TMEM127: variants seen among roughly 807,000 people sequenced by gnomAD.
TMEM127 encodes transmembrane protein 127.
A neutral mutation model predicts 20.1 loss-of-function variants in TMEM127; 21 were observed. The ratio of observed to expected loss-of-function variants is 1.04; its 90% CI spans 0.74 to 1.50. The LOEUF (loss-of-function observed/expected upper bound fraction) is 1.50. TMEM127 is among the 40% of genes most tolerant of loss of function. TMEM127 has a pLI of 0.00. For missense variants in TMEM127, 303 were observed against 317.4 expected (o/e 0.95, Z 0.34); for synonymous variants, 150 against 144.7 (o/e 1.04, Z -0.26).
chr2:96,251,576 TGA>T lies in TMEM127; in HGVS notation c.*2230_*2231del, dbSNP rs1342993635. On this transcript the variant is annotated 3_prime_UTR_variant, in exon 4 of 4. Transcript: ENST00000258439. ...GCCTCATCAACATCTCCTGCTTCTC[TGA>T]GACAAAGGGAACAAACCAAATCAGG... 1 of 232,642 alleles carries T rather than the reference TGA, an allele frequency of 4.3e-6. No individual in the cohort carries two copies. The highest frequency in any genetic ancestry group is 8.5e-6 in the Non-Finnish European group (1 of 117,498). 14.4% of individuals were successfully genotyped at this position (232,642 alleles called of 1,614,324 possible).
chr2:96,265,726 G>C lies in TMEM127; in HGVS notation c.-132+143C>G, dbSNP rs1240821435. On this transcript the variant is annotated intron_variant, in intron 1 of 3. Coordinates refer to ENST00000258439, the MANE Select transcript of TMEM127 (RefSeq NM_017849.4). Reference sequence around the variant, plus strand: ...GCTACTGCTAGAGCAAAGACCCGGAGTCAGGGTCTCAGCCAGAGGATGCCG... The same window carrying C: ...GCTACTGCTAGAGCAAAGACCCGGACTCAGGGTCTCAGCCAGAGGATGCCG... 3 of 251,582 alleles carry C rather than the reference G, an allele frequency of 1.2e-5. No individual in the cohort carries two copies. In the South Asian group the frequency reaches 5.0e-4, roughly 42 times the overall value. The allele number at this position is 251,582 out of a possible 1,614,324, so 15.6% of individuals were successfully genotyped here.
Position 96,253,429 on chromosome 2 carries a change from T to C in TMEM127, c.*379A>G. 3.2e-6 allele frequency: 1 copy of C among 310,636 alleles called. No individual in the cohort carries two copies. Among genetic ancestry groups the C allele is most frequent in the African/African-American group, 2.1e-5 (1 of 48,120 alleles). The allele number at this position is 310,636 out of a possible 1,614,324, so 19.2% of individuals were successfully genotyped here. A position where few individuals can be genotyped will look rare whatever the true frequency, so the allele number is the denominator to read the frequency against. On this transcript the variant is annotated 3_prime_UTR_variant, in exon 4 of 4. Coordinates refer to ENST00000258439, the MANE Select transcript of TMEM127 (RefSeq NM_017849.4). This position sits in a 1 kb window ranked among gnomAD's most constrained non-coding sequence, Gnocchi z 4.3. ...AGTGAGCCTCCAGGGCACAGTCCCC[T>C]TTCCCTTGGGCCCTTTGACACTTGT... is the stretch of plus-strand genomic sequence containing the variant.
rs1158489118 is a variant in TMEM127, at chr2:96,251,397, G to T, written c.*2411C>A. ...TATCTGGGCATAGTGGCGCATGCCT[G>T]TAATCCCAGCTACTCAGGAGGCTGA... On this transcript the variant is annotated 3_prime_UTR_variant, in exon 4 of 4. Transcript: ENST00000258439. 1 of 197,370 alleles carries T rather than the reference G, an allele frequency of 5.1e-6. No homozygotes were observed. Among genetic ancestry groups the T allele is most frequent in the East Asian group, 8.0e-5 (1 of 12,558 alleles). The allele number at this position is 197,370 out of a possible 1,614,324, so 12.2% of individuals were successfully genotyped here. A position where few individuals can be genotyped will look rare whatever the true frequency, so the allele number is the denominator to read the frequency against.
In TMEM127 at chr2:96,248,565, GTTA is replaced by G. The variant is rs1340871784; in HGVS notation, c.*5240_*5242del. 4.7e-6 allele frequency: 1 copy of G among 213,186 alleles called. No homozygotes were observed. Among genetic ancestry groups the G allele is most frequent in the Non-Finnish European group, 9.5e-6 (1 of 105,500 alleles). The allele number at this position is 213,186 out of a possible 1,614,324, so 13.2% of individuals were successfully genotyped here. On this transcript the variant is annotated 3_prime_UTR_variant, in exon 4 of 4. Transcript: ENST00000258439. Reference sequence around the variant, plus strand: ...AATAAAACCCATCCACCACCCCAAGGTTATTCCAGAAGGAAACTCTCCACCAAT... The same window carrying G: ...AATAAAACCCATCCACCACCCCAAGGTTCCAGAAGGAAACTCTCCACCAAT...
At chr2:96,262,279 A>C (rs983203091) in intron 2 of TMEM127, among the ~76,000 whole-genome samples, 237 of 151,756 alleles carry the variant, frequency 1.6e-3, no homozygotes, top group Non-Finnish European at 2.4e-3. Flanking sequence ...AAAAAAAAAA[A>C]AACTCTATAT....
intron 2 of TMEM127, among the ~76,000 whole-genome samples, chr2:96,258,095 G>A (rs1410000804): frequency 6.6e-6 from 1 of 152,156 alleles, no homozygotes; most frequent in African/African-American, 2.4e-5. Context: ...GAGGGTGTGG[G>A]GTGTGATCAT....
chr2:96,259,171 G>A (rs1573973392), intron 2 of TMEM127, among the ~76,000 whole-genome samples: 2 of 152,212 alleles, frequency 1.3e-5, no homozygotes, highest in South Asian at 4.1e-4. Context: ...ATTGTTGGAG[G>A]GGCCTTGTAT....
At chr2:96,264,181 C>T (rs755560678) in intron 2 of TMEM127, among the ~76,000 whole-genome samples, 3 of 152,236 alleles carry the variant, frequency 2.0e-5, no homozygotes, top group African/African-American at 4.8e-5. Context: ...TGGTCCGATG[C>T]ACAGCGGGGA....
rs1451576038 is a variant in TMEM127, at chr2:96,251,854, A to G, written c.*1954T>C. On this transcript the variant is annotated 3_prime_UTR_variant, in exon 4 of 4. Transcript: ENST00000258439. ...CGGAACAGTCCACAGGGTCATTTAC[A>G]GGTCCTCAGGAGATGACCAGTCCCT... 1 of 233,280 alleles carries G rather than the reference A, an allele frequency of 4.3e-6. No homozygotes were observed. Among genetic ancestry groups the G allele is most frequent in the East Asian group, 6.0e-5 (1 of 16,536 alleles). 14.5% of individuals were successfully genotyped at this position (233,280 alleles called of 1,614,324 possible).
chr2:96,263,050 T>A (rs1004679564), intron 2 of TMEM127, among the ~76,000 whole-genome samples: 1 of 145,956 alleles, frequency 6.9e-6, no homozygotes, highest in Non-Finnish European at 1.5e-5. Flanking sequence ...AGAATTTACT[T>A]TTTTTTTTTT....
At chr2:96,257,283 G>C (rs1005827933) in intron 2 of TMEM127, among the ~76,000 whole-genome samples, 1 of 151,924 alleles carries the variant, frequency 6.6e-6, no homozygotes, top group Admixed American at 6.6e-5. Flanking sequence ...CCAACATGGT[G>C]AAACCCCGTC....
chr2:96,259,913 C>A (rs1684281177), intron 2 of TMEM127, among the ~76,000 whole-genome samples: 2 of 152,240 alleles, frequency 1.3e-5, no homozygotes, highest in Admixed American at 1.3e-4. Flanking sequence ...GCCTTTCCTT[C>A]TTCTACCAAG....
Position 96,251,505 on chromosome 2 carries a change from G to C in TMEM127, c.*2303C>G, listed in dbSNP as rs752582591. On this transcript the variant is annotated 3_prime_UTR_variant, in exon 4 of 4. Coordinates refer to ENST00000258439, the MANE Select transcript of TMEM127 (RefSeq NM_017849.4). Reference sequence around the variant, plus strand: ...ACGTTACACTCCAGCCCGGGTGACAGAGCGAGACTCTTGTCTCAAAAACAA... The same window carrying C: ...ACGTTACACTCCAGCCCGGGTGACACAGCGAGACTCTTGTCTCAAAAACAA... The C allele has an allele frequency of 6.7e-5, 15 of 224,810 alleles. No individual in the cohort carries two copies. Among genetic ancestry groups the C allele is most frequent in the Admixed American group, 4.0e-4 (7 of 17,416 alleles). 13.9% of individuals were successfully genotyped at this position (224,810 alleles called of 1,614,324 possible). A position where few individuals can be genotyped will look rare whatever the true frequency, so the allele number is the denominator to read the frequency against.
chr2:96,259,262 C>T (rs1034644675), intron 2 of TMEM127, among the ~76,000 whole-genome samples: 4 of 152,212 alleles, frequency 2.6e-5, no homozygotes, highest in African/African-American at 4.8e-5. Flanking sequence ...GATGAGGAGT[C>T]GGGGGCTCCA....
At chr2:96,257,286 A>T (rs1573972096) in intron 2 of TMEM127, among the ~76,000 whole-genome samples, 1 of 150,670 alleles carries the variant, frequency 6.6e-6, no homozygotes, top group African/African-American at 2.4e-5. Context: ...ACATGGTGAA[A>T]CCCCGTCTCT....
At chr2:96,263,172 AG>A (rs774668568) in intron 2 of TMEM127, among the ~76,000 whole-genome samples, 25 of 149,636 alleles carry the variant, frequency 1.7e-4, no homozygotes, top group Non-Finnish European at 2.5e-4. Flanking sequence ...CGCCTGCCTC[AG>A]CCTTCAGAGT....
rs1314644874 is a variant in TMEM127, at chr2:96,253,160, T to G, written c.*648A>C. 1 of 233,794 alleles carries G rather than the reference T, an allele frequency of 4.3e-6. No individual in the cohort carries two copies. Among genetic ancestry groups the G allele is most frequent in the African/African-American group, 2.2e-5 (1 of 45,356 alleles). 14.5% of individuals were successfully genotyped at this position (233,794 alleles called of 1,614,324 possible). On this transcript the variant is annotated 3_prime_UTR_variant, in exon 4 of 4. Transcript: ENST00000258439. This position sits in a 1 kb window ranked among gnomAD's most constrained non-coding sequence, Gnocchi z 4.3. The stretch of plus-strand genomic sequence containing the variant: ...GGGGCCTCAGTCTCACGCTGGCTCC[T>G]GCTCTCCTTGCCTGGGCTCCAGCCA...
chr2:96,249,120 G>C lies in TMEM127; in HGVS notation c.*4688C>G, dbSNP rs1202189665. 3 of 227,286 alleles carry C rather than the reference G, an allele frequency of 1.3e-5. No individual in the cohort carries two copies. The highest frequency in any genetic ancestry group is 4.5e-5 in the African/African-American group (2 of 44,750). The allele number at this position is 227,286 out of a possible 1,614,324, so 14.1% of individuals were successfully genotyped here. ...TGTGTGTGTGTGTGTGTGTGTGTTT[G>C]AGATGGAGTCTCACTCTGTCAGGCT... On this transcript the variant is annotated 3_prime_UTR_variant, in exon 4 of 4. Coordinates refer to ENST00000258439, the MANE Select transcript of TMEM127 (RefSeq NM_017849.4).
At position 96,253,992 on chromosome 2, in the gene TMEM127, T is replaced by C; in HGVS notation, c.533A>G (p.Tyr178Cys). The part of the protein sequence containing the change: ...QVYVTFAVSF[Y>C]LVAGAGGASI... ...GGCTCCACCAGCTCCTGCCACCAGG[T>C]AGAAGCTAACGGCGAAGGTGACATA... The change falls in exon 4 of 4, where the codon TAC (tyrosine) becomes TGC (cysteine). Residue 178 changes from tyrosine to cysteine, a missense_variant. Physicochemically the swap from Tyr to Cys is radical, Grantham distance 194. Coordinates refer to ENST00000258439, the MANE Select transcript of TMEM127 (RefSeq NM_017849.4). This position sits in a 1 kb window ranked among gnomAD's most constrained non-coding sequence, Gnocchi z 4.3. 1.2e-6 allele frequency: 2 copies of C among 1,614,112 alleles called. No homozygotes were observed. Among genetic ancestry groups the C allele is most frequent in the East Asian group, 2.2e-5 (1 of 44,886 alleles).
Sources: gnomAD v4.1 joint callset for allele counts (sites outside exome capture counted in the v4.1 genomes callset) on GRCh38, gnomAD v4.1.1 for gene constraint, Gnocchi (gnomAD v3.1) non-coding constraint, MANE v1.5 for transcripts, NCBI Gene and HGNC (gene_info 2026-07-23, HGNC 2026-07-21) for gene names.